GOLGA2: variants seen among roughly 807,000 people sequenced by gnomAD.
GOLGA2 encodes golgin subfamily A member 2.
Under a neutral mutation model 148.8 loss-of-function variants are expected in GOLGA2, and 49 were observed. The observed-to-expected ratio is 0.33, with a 90% CI of 0.26 to 0.42. The LOEUF is 0.42. GOLGA2 is among the 10% of genes least tolerant of loss of function. The pLI, the probability that GOLGA2 is intolerant of heterozygous loss-of-function variation, is 1.00. For synonymous variants in GOLGA2, 501 were observed against 511.8 expected, an observed-to-expected ratio of 0.98 and a Z score of 0.28; for missense variants, 1,178 against 1,304.6, an observed-to-expected ratio of 0.90 and a Z score of 1.49.
At position 128,273,846 on chromosome 9, in the gene GOLGA2, TCA is replaced by T; in HGVS notation, c.207+2_207+3del. The T allele has an allele frequency of 6.2e-7, 1 of 1,613,958 alleles. No individual in the cohort carries two copies. Among genetic ancestry groups the T allele is most frequent in the Non-Finnish European group, 8.5e-7 (1 of 1,179,914 alleles). ...CCCCAGGAGCCTGGCCATCCAAGAC[TCA>T]CATCCTCAGGTGAGTGGCAACCACC... On this transcript the variant is annotated splice_donor_variant and splice_donor_region_variant and intron_variant, in intron 2 of 26. Coordinates refer to ENST00000611957, the MANE Select transcript of GOLGA2 (RefSeq NM_001366244.2). LOFTEE classifies it high-confidence loss of function.
At chr9:128,270,124 A>C (rs1830843249) in intron 3 of GOLGA2, among the ~76,000 whole-genome samples, 1 of 139,104 alleles carries the variant, frequency 7.2e-6, no homozygotes, top group African/African-American at 2.8e-5. Flanking sequence ...GCTCAGAGGA[A>C]GGGAATTTTT....
intron 12 of GOLGA2, among the ~76,000 whole-genome samples, chr9:128,263,881 G>T (rs1474833310): frequency 6.6e-6 from 1 of 150,934 alleles, no homozygotes; most frequent in Non-Finnish European, 1.5e-5. Context: ...GGGTGGCCGG[G>T]TGCGGTGGCT....
At chr9:128,265,230 T>TAACA (rs1830520130) in intron 12 of GOLGA2, among the ~76,000 whole-genome samples, 1 of 151,974 alleles carries the variant, frequency 6.6e-6, no homozygotes, top group African/African-American at 2.4e-5. Context: ...CACACACACG[T>TAACA]TCCCTCTCTC....
chr9:128,256,937 C>A lies in GOLGA2; in HGVS notation c.*130G>T, dbSNP rs894598224. ...TCTTCACCTCATCTGCACCTGTCTA[C>A]CCCCGTTAGACAGGGGTCTATGCTT... On this transcript the variant is annotated 3_prime_UTR_variant, in exon 27 of 27. Coordinates refer to ENST00000611957, the MANE Select transcript of GOLGA2 (RefSeq NM_001366244.2). 8 of 697,678 alleles carry A rather than the reference C, an allele frequency of 1.1e-5. No homozygotes were observed. In the African/African-American group the frequency reaches 1.3e-4, roughly 11 times the overall value. 43.2% of individuals were successfully genotyped at this position (697,678 alleles called of 1,614,324 possible). A position where few individuals can be genotyped will look rare whatever the true frequency, so the allele number is the denominator to read the frequency against.
Position 128,262,632 on chromosome 9 carries a change from C to T in GOLGA2, c.1065G>A (p.Lys355=), listed in dbSNP as rs1588482600. ...CTTCCAAGTTAAGCTGCATGCCAGC[C>T]TTCTCAGTCACTAGGACCCGAAGCT... is the stretch of plus-strand genomic sequence containing the variant. The part of the protein sequence containing the change: ...EEKLRVLVTE[K]AGMQLNLEEL... The change falls in exon 14 of 27, where the codon AAG becomes AAA. Residue 355 remains lysine (K), a synonymous_variant. Transcript: ENST00000611957. 1.2e-6 allele frequency: 2 copies of T among 1,613,886 alleles called. No individual in the cohort carries two copies. Among genetic ancestry groups the T allele is most frequent in the Non-Finnish European group, 8.5e-7 (1 of 1,179,742 alleles).
chr9:128,270,974 G>A (rs1830907319), intron 3 of GOLGA2, among the ~76,000 whole-genome samples: 3 of 152,068 alleles, frequency 2.0e-5, no homozygotes, highest in Non-Finnish European at 4.4e-5. Flanking sequence ...ACTTGAACCC[G>A]GGAGGGGGAG....
At chr9:128,267,904 C>T (rs1249765372) in intron 6 of GOLGA2, 30 bp downstream of exon 6, 1 of 1,555,006 alleles carries the variant, frequency 6.4e-7, no homozygotes, top group Admixed American at 1.7e-5. Context: ...CTTCCCCCCA[C>T]CCCGCTCTCG....
chr9:128,267,249 G>T lies in GOLGA2; in HGVS notation c.587C>A (p.Ala196Asp). The T allele has an allele frequency of 6.2e-7, 1 of 1,610,690 alleles. No individual in the cohort carries two copies. The highest frequency in any genetic ancestry group is 8.5e-7 in the Non-Finnish European group (1 of 1,176,844). Residue 196 changes from alanine to aspartate, a missense_variant, in exon 8 of 27, where the codon GCC (alanine) becomes GAC (aspartate). Coordinates refer to ENST00000611957, the MANE Select transcript of GOLGA2 (RefSeq NM_001366244.2). Reference sequence around the variant, plus strand: ...GTTTGTTACATAGCTGGAGTCCAGGGCTACCGCTAGCTGTTGGTACCGGCT... The same window carrying T: ...GTTTGTTACATAGCTGGAGTCCAGGTCTACCGCTAGCTGTTGGTACCGGCT... ...LESRYQQLAV[A>D]LDSSYVTNKQ... is the part of the protein sequence containing the mutation.
chr9:128,258,945 C>T lies in GOLGA2; in HGVS notation c.2173+62G>A, dbSNP rs1037942398. 5.5e-6 allele frequency: 6 copies of T among 1,093,466 alleles called. No homozygotes were observed. Among genetic ancestry groups the T allele is most frequent in the Non-Finnish European group, 7.0e-6 (5 of 716,118 alleles). 67.7% of individuals were successfully genotyped at this position (1,093,466 alleles called of 1,614,324 possible). A position where few individuals can be genotyped will look rare whatever the true frequency, so the allele number is the denominator to read the frequency against. ...TCTCTTCCAACTCCTCAATTCTACGCTGCTAACAGTCCCCCCTTCTTCCTG... is the reference window on the plus strand; with the variant it reads ...TCTCTTCCAACTCCTCAATTCTACGTTGCTAACAGTCCCCCCTTCTTCCTG... On this transcript the variant is annotated intron_variant, in intron 21 of 26. Transcript: ENST00000611957. The surrounding 1 kb of genome is among the most constrained non-coding windows in gnomAD (Gnocchi z 6.6).
At position 128,257,285 on chromosome 9, in the gene GOLGA2, T is replaced by C. The variant is rs1175362876; in HGVS notation, c.2876-4A>G. The C allele has an allele frequency of 1.2e-6, 2 of 1,612,740 alleles. No homozygotes were observed. The highest frequency in any genetic ancestry group is 1.3e-5 in the African/African-American group (1 of 74,886). On this transcript the variant is annotated splice_region_variant and splice_polypyrimidine_tract_variant and intron_variant, in intron 26 of 26. Transcript: ENST00000611957. This position sits in a 1 kb window ranked among gnomAD's most constrained non-coding sequence, Gnocchi z 8.0. ...GCGAGGCTCACCTCGCAAAGATCTTTGGAGAGAGAGAGGCAGGGCTCTGAG... is the reference window on the plus strand; with the variant it reads ...GCGAGGCTCACCTCGCAAAGATCTTCGGAGAGAGAGAGGCAGGGCTCTGAG...
chr9:128,273,812 GC>G (rs775555737), intron 2 of GOLGA2, 37 bp downstream of exon 2: 9 of 1,608,936 alleles, frequency 5.6e-6, no homozygotes, highest in Non-Finnish European at 7.7e-6. Context: ...TGCCCCTTGG[GC>G]CCCCTGTCCC....
Position 128,272,836 on chromosome 9 carries a change from G to A in GOLGA2, c.237C>T (p.Ser79=), listed in dbSNP as rs1306956830. The A allele has an allele frequency of 1.7e-5, 22 of 1,280,782 alleles. No homozygotes were observed. Among genetic ancestry groups the A allele is most frequent in the Non-Finnish European group, 2.0e-5 (20 of 983,010 alleles). 79.3% of individuals were successfully genotyped at this position (1,280,782 alleles called of 1,614,324 possible). The change falls in exon 3 of 27, where the codon TCC becomes TCT. Residue 79 remains serine, a synonymous_variant. Transcript: ENST00000611957. The part of the protein sequence containing the change: ...DIQDILKVLV[S]DLNRSNGVAL... ...CTACCCCATTGGAACGGTTAAGGTC[G>A]GACACCAGCACCTTCAGAATGTCCT... is the stretch of plus-strand genomic sequence containing the variant.
chr9:128,272,042 A>T (rs958015939), intron 3 of GOLGA2, among the ~76,000 whole-genome samples: 7 of 122,826 alleles, frequency 5.7e-5, no homozygotes, highest in Non-Finnish European at 9.0e-5. Context: ...AATTAATTTA[A>T]AAAAAAAAAA....
chr9:128,273,926 G>T lies in GOLGA2; in HGVS notation c.131C>A (p.Ala44Glu). The stretch of plus-strand genomic sequence containing the variant: ...ATTTTTTATTTTCTTCTTCTTTTTC[G>T]CTCCTGTAGGAACACCAGGGCTATT... ...QRNSPGVPTG[A>E]KKKKKIKNGS... Residue 44 changes from alanine (A) to glutamate (E), a missense_variant, in exon 2 of 27, where the codon GCG (alanine) becomes GAG (glutamate). Ala to Glu is a moderately radical substitution (Grantham distance 107). Coordinates refer to ENST00000611957, the MANE Select transcript of GOLGA2 (RefSeq NM_001366244.2). 1 of 1,612,866 alleles carries T rather than the reference G, an allele frequency of 6.2e-7. No individual in the cohort carries two copies. The highest frequency in any genetic ancestry group is 8.5e-7 in the Non-Finnish European group (1 of 1,179,100).
Position 128,260,711 on chromosome 9 carries a change from C to G in GOLGA2, c.1512G>C (p.Glu504Asp). ...GGGCTTGAAGCTGTCCTGCCAGACCCTCCAGCTCCTTCCGCAGGTGCTCAG... is the reference window on the plus strand; with the variant it reads ...GGGCTTGAAGCTGTCCTGCCAGACCGTCCAGCTCCTTCCGCAGGTGCTCAG... Reference protein sequence around the residue: ...AEAEHLRKELEGLAGQLQAQV... With the variant: ...AEAEHLRKELDGLAGQLQAQV... The change falls in exon 18 of 27, where the codon GAG (glutamate) becomes GAC (aspartate). Residue 504 changes from glutamate to aspartate, a missense_variant. Glu to Asp is a conservative substitution (Grantham distance 45). Transcript: ENST00000611957. This position sits in a 1 kb window ranked among gnomAD's most constrained non-coding sequence, Gnocchi z 4.8. The G allele has an allele frequency of 6.2e-7, 1 of 1,613,554 alleles. No individual in the cohort carries two copies. Among genetic ancestry groups the G allele is most frequent in the Non-Finnish European group, 8.5e-7 (1 of 1,179,920 alleles).
rs1046440240 is a variant in GOLGA2 at position 128,259,015 on chromosome 9, G to A, written c.2165C>T (p.Pro722Leu). The change falls in exon 21 of 27, where the codon CCT (proline) becomes CTT (leucine). Residue 722 changes from proline to leucine, a missense_variant. Transcript: ENST00000611957. ...LRAQLSLMAH[P>L]GEGDGLDREE... is the part of the protein sequence containing the mutation. ...TGAGCAGGTTCCCGTACCTTCCCCA[G>A]GGTGAGCCATGAGGCTCAACTGGGC... The A allele has an allele frequency of 6.3e-7, 1 of 1,594,880 alleles. No individual in the cohort carries two copies. Among genetic ancestry groups the A allele is most frequent in the African/African-American group, 1.3e-5 (1 of 74,774 alleles).
chr9:128,258,242 TGAACAGGGCAGGGAGGTA>T lies in GOLGA2; in HGVS notation c.2290-62_2290-45del, dbSNP rs1403681929. 1 of 1,449,566 alleles carries T rather than the reference TGAACAGGGCAGGGAGGTA, an allele frequency of 6.9e-7. No homozygotes were observed. The highest frequency in any genetic ancestry group is 9.4e-7 in the Non-Finnish European group (1 of 1,059,742). The allele number at this position is 1,449,566 out of a possible 1,614,324, so 89.8% of individuals were successfully genotyped here. A position where few individuals can be genotyped will look rare whatever the true frequency, so the allele number is the denominator to read the frequency against. Reference sequence around the variant, plus strand: ...CATTCTTGTAGGAGGATATATAGGATGAACAGGGCAGGGAGGTAGAGAGCAGCCCTTCCCTTGGGGCCT... The same window carrying T: ...CATTCTTGTAGGAGGATATATAGGATGAGAGCAGCCCTTCCCTTGGGGCCT... On this transcript the variant is annotated intron_variant, in intron 22 of 26. Transcript: ENST00000611957. This position sits in a 1 kb window ranked among gnomAD's most constrained non-coding sequence, Gnocchi z 6.6.
chr9:128,265,398 C>T (rs1019865295), intron 12 of GOLGA2, among the ~76,000 whole-genome samples, 187 bp downstream of exon 12: 6 of 152,190 alleles, frequency 3.9e-5, no homozygotes, highest in African/African-American at 1.2e-4. Context: ...CCCACAGTGC[C>T]CCCAAACTCA....
intron 1 of GOLGA2, chr9:128,275,364 T>G: frequency 3.2e-6 from 4 of 1,265,328 alleles, no homozygotes; most frequent in Non-Finnish European, 4.0e-6. Flanking sequence ...TACATTCCAC[T>G]CCTAGGGGGA....
Sources: gnomAD v4.1 joint callset for allele counts (sites outside exome capture counted in the v4.1 genomes callset) on GRCh38, gnomAD v4.1.1 for gene constraint, Gnocchi (gnomAD v3.1) non-coding constraint, MANE v1.5 for transcripts, NCBI Gene and HGNC (gene_info 2026-07-23, HGNC 2026-07-21) for gene names.